ZNF219: variants seen among roughly 807,000 people sequenced by gnomAD.
ZNF219 encodes the protein zinc finger protein 219.
In ZNF219, 17 loss-of-function variants were observed where a neutral mutation model predicts 54.4. That is an observed-to-expected ratio of 0.31 (90% CI 0.21 to 0.47). The LOEUF (loss-of-function observed/expected upper bound fraction) is 0.47, where lower values mean the gene tolerates loss of function less well. Ranked by LOEUF, ZNF219 falls within the 20% of genes least tolerant of loss-of-function variation. The pLI, the probability that ZNF219 is intolerant of heterozygous loss-of-function variation, is 1.00. For missense variants in ZNF219, 1,014 were observed against 1,062.3 expected (o/e 0.95, Z 0.63); for synonymous variants, 518 against 476.4 (o/e 1.09, Z -1.14).
At chr14:21,103,331 A>G (rs1007487128), upstream of ZNF219, 6 of 1,497,386 alleles carry the variant, frequency 4.0e-6, no homozygotes, top group Middle Eastern at 2.4e-4. Flanking sequence ...TTCGAGTCCA[A>G]TAGGAAGTCC....
At chr14:21,102,082 G>A (rs1218283549), upstream of ZNF219, 27 of 1,551,366 alleles carry the variant, frequency 1.7e-5, no homozygotes, top group Non-Finnish European at 2.4e-5. Context: ...CACTGGGACT[G>A]TCACTCTGGA....
Position 21,091,507 on chromosome 14 carries a change from C to G in ZNF219, c.1468G>C (p.Glu490Gln). ...TTGCCGGTGGCGCCCCGGCCCCCTT[C>G]AGGCCGGGTCCCTCCAACCAACAGC... ...NGLLVGGTRP[E>Q]GGRGATGKDC... Residue 490 changes from glutamate to glutamine, a missense_variant, in exon 4 of 5, where the codon GAA becomes CAA. Glu to Gln is a conservative substitution (Grantham distance 29). Transcript: ENST00000360947. 6.2e-7 allele frequency: 1 copy of G among 1,608,184 alleles called. No individual in the cohort carries two copies. Among genetic ancestry groups the G allele is most frequent in the South Asian group, 1.1e-5 (1 of 90,962 alleles).
chr14:21,091,770 CG>C lies in ZNF219; in HGVS notation c.1432+94del, dbSNP rs756245286. Reference sequence around the variant, plus strand: ...ACAAAAAAACTCAGGAGAAATTAAACGTAAGTTCTTTTAACAAGGAAGCTAC... The same window carrying C: ...ACAAAAAAACTCAGGAGAAATTAAACTAAGTTCTTTTAACAAGGAAGCTAC... On this transcript the variant is annotated intron_variant, in intron 3 of 4. Coordinates refer to ENST00000360947, the MANE Select transcript of ZNF219 (RefSeq NM_016423.3). The C allele has an allele frequency of 5.5e-6, 8 of 1,464,728 alleles. No individual in the cohort carries two copies. In the Admixed American group the frequency reaches 1.8e-4, roughly 33 times the overall value. 90.7% of individuals were successfully genotyped at this position (1,464,728 alleles called of 1,614,324 possible). A position where few individuals can be genotyped will look rare whatever the true frequency, so the allele number is the denominator to read the frequency against.
chr14:21,093,758 T>G, intron 1 of ZNF219, 84 bp from the exon 2 acceptor site: 1 of 1,288,086 alleles, frequency 7.8e-7, no homozygotes, highest in Non-Finnish European at 1.1e-6. Flanking sequence ...ACTCTCAGCA[T>G]TCTGTATTCC....
Position 21,092,559 on chromosome 14 carries a change from C to G in ZNF219, c.738G>C (p.Pro246=), listed in dbSNP as rs1888999790. The G allele has an allele frequency of 3.2e-6, 5 of 1,547,528 alleles. No individual in the cohort carries two copies. Among genetic ancestry groups the G allele is most frequent in the Non-Finnish European group, 4.4e-6 (5 of 1,146,048 alleles). ...CACGTTCGGGCTCCGGCTCCGGCTC[C>G]GGCTGGGGGACTGATCTGGGTTCGG... is the stretch of plus-strand genomic sequence containing the variant. ...PQPEPRSVPQ[P]EPEPEPEREA... Residue 246 remains proline, a synonymous_variant, in exon 3 of 5, where the codon CCG becomes CCC. Transcript: ENST00000360947.
chr14:21,090,686 A>G lies in ZNF219; in HGVS notation c.2019T>C (p.Ala673=), dbSNP rs1197058702. The G allele has an allele frequency of 1.2e-6, 2 of 1,611,444 alleles. No homozygotes were observed. Among genetic ancestry groups the G allele is most frequent in the African/African-American group, 1.3e-5 (1 of 74,924 alleles). Residue 673 remains alanine (A), a synonymous_variant, in exon 5 of 5, where the codon GCT becomes GCC. Coordinates refer to ENST00000360947, the MANE Select transcript of ZNF219 (RefSeq NM_016423.3). This position sits in a 1 kb window ranked among gnomAD's most constrained non-coding sequence, Gnocchi z 4.4. The part of the protein sequence containing the change: ...LHLQVHHSRR[A]RGRRPPQADA... ...CAGCCTGGGGTGGCCGGCGGCCCCT[A>G]GCCCGGCGGCTGTGGTGCACTTGAA...
chr14:21,091,466 G>A lies in ZNF219; in HGVS notation c.1509C>T (p.Cys503=). Residue 503 remains cysteine (C), a synonymous_variant, in exon 4 of 5, where the codon TGC becomes TGT. Coordinates refer to ENST00000360947, the MANE Select transcript of ZNF219 (RefSeq NM_016423.3). The part of the protein sequence containing the change: ...RGATGKDCPF[C]GKSFRSAHHL... ...GATGTGCTGAGCGGAAAGATTTTCCGCAGAAAGGACAATCCTTGCCGGTGG... is the reference window on the plus strand; with the variant it reads ...GATGTGCTGAGCGGAAAGATTTTCCACAGAAAGGACAATCCTTGCCGGTGG... The A allele has an allele frequency of 3.7e-6, 6 of 1,610,144 alleles. No individual in the cohort carries two copies. Among genetic ancestry groups the A allele is most frequent in the Non-Finnish European group, 5.1e-6 (6 of 1,177,038 alleles).
chr14:21,101,315 A>C, upstream of ZNF219: 1 of 1,548,302 alleles, frequency 6.5e-7, no homozygotes. Flanking sequence ...CAGCCTAGGA[A>C]GCACCTAATT....
chr14:21,095,226 T>C (rs535939503), intron 1 of ZNF219, among the ~76,000 whole-genome samples: 140 of 152,328 alleles, frequency 9.2e-4, no homozygotes, highest in African/African-American at 3.2e-3. Context: ...ATTAACAAAG[T>C]GTCCTTGTCC....
At position 21,092,649 on chromosome 14, in the gene ZNF219, C is replaced by T; in HGVS notation, c.648G>A (p.Glu216=). The change falls in exon 3 of 5, where the codon GAG becomes GAA. Residue 216 remains glutamate (E), a synonymous_variant. Transcript: ENST00000360947. ...HHSLTAHGAP[E]RPLAATSAAP... ...CAGCGGAGGTGGCCGCCAGGGGACG[C>T]TCGGGAGCCCCGTGGGCCGTCAGGC... 1 of 1,565,760 alleles carries T rather than the reference C, an allele frequency of 6.4e-7. No homozygotes were observed.
intron 1 of ZNF219, among the ~76,000 whole-genome samples, chr14:21,094,735 G>T (rs562381632): frequency 1.2e-5 from 1 of 85,184 alleles, no homozygotes; most frequent in Non-Finnish European, 2.6e-5. Context: ...TTGGGGGGGG[G>T]GGCGGGTGCT....
At chr14:21,097,279 T>C (rs1156543253) in intron 1 of ZNF219, 2 of 152,262 alleles carry the variant, frequency 1.3e-5, no homozygotes, top group Non-Finnish European at 2.9e-5. Context: ...ACCTCAGCCA[T>C]GGACTTCAAA....
chr14:21,093,658 C>G lies in ZNF219; in HGVS notation c.-67G>C, dbSNP rs773220422. ...GAGGAGGAAAAGCTGCTAATGAAGG[C>G]AACAGGTGCTGTGGAGCTAAAGCAA... is the stretch of plus-strand genomic sequence containing the variant. On this transcript the variant is annotated 5_prime_UTR_variant, in exon 2 of 5. Coordinates refer to ENST00000360947, the MANE Select transcript of ZNF219 (RefSeq NM_016423.3). 3.1e-6 allele frequency: 5 copies of G among 1,614,114 alleles called. No homozygotes were observed. In the East Asian group the frequency reaches 1.1e-4, roughly 36 times the overall value.
At chr14:21,104,134 G>C (rs1047712871) in intron 1 of ZNF219, 9 of 152,354 alleles carry the variant, frequency 5.9e-5, no homozygotes, top group Admixed American at 6.5e-5. Flanking sequence ...GGGCAGGCGG[G>C]TAGATAGGGC....
At position 21,091,492 on chromosome 14, in the gene ZNF219, C is replaced by T. The variant is rs373038002; in HGVS notation, c.1483G>A (p.Ala495Thr). The stretch of plus-strand genomic sequence containing the variant: ...CAGAAAGGACAATCCTTGCCGGTGG[C>T]GCCCCGGCCCCCTTCAGGCCGGGTC... ...GGTRPEGGRGATGKDCPFCGK... is the reference protein window; with the variant it reads ...GGTRPEGGRGTTGKDCPFCGK... The change falls in exon 4 of 5, where the codon GCC becomes ACC. Residue 495 changes from alanine (A) to threonine (T), a missense_variant. By Grantham distance (58) the Ala-to-Thr change is moderately conservative (BLOSUM62 0). Coordinates refer to ENST00000360947, the MANE Select transcript of ZNF219 (RefSeq NM_016423.3). The T allele has an allele frequency of 1.5e-5, 24 of 1,609,606 alleles. No homozygotes were observed. The highest frequency in any genetic ancestry group is 2.0e-5 in the Non-Finnish European group (23 of 1,176,898).
rs777859395 is a variant in ZNF219, at chr14:21,090,745, C to T, written c.1960G>A (p.Ala654Thr). The part of the protein sequence containing the change: ...ALHRCLFCPF[A>T]TGAPELMALH... ...GCCATGAGCTCTGGGGCTCCAGTGG[C>T]GAACGGGCAGAAGAGGCAGCGGTGG... Residue 654 changes from alanine (A) to threonine (T), a missense_variant, in exon 5 of 5, where the codon GCC becomes ACC. Transcript: ENST00000360947. This position sits in a 1 kb window ranked among gnomAD's most constrained non-coding sequence, Gnocchi z 4.4. 1 of 1,608,156 alleles carries T rather than the reference C, an allele frequency of 6.2e-7. No homozygotes were observed. The highest frequency in any genetic ancestry group is 8.5e-7 in the Non-Finnish European group (1 of 1,178,168).
upstream of ZNF219, chr14:21,102,927 T>A: frequency 7.3e-7 from 1 of 1,375,372 alleles, no homozygotes; most frequent in Non-Finnish European, 9.7e-7. Flanking sequence ...TTCTCTGGCT[T>A]TGAACATTTC....
In ZNF219 at chr14:21,092,659, C is replaced by T; in HGVS notation, c.638G>A (p.Gly213Glu). 2 of 1,569,378 alleles carry T rather than the reference C, an allele frequency of 1.3e-6. No homozygotes were observed. Among genetic ancestry groups the T allele is most frequent in the East Asian group, 2.3e-5 (1 of 43,338 alleles). Residue 213 changes from glycine (G) to glutamate (E), a missense_variant, in exon 3 of 5, where the codon GGG (glycine) becomes GAG (glutamate). Transcript: ENST00000360947. ...GGCCGCCAGGGGACGCTCGGGAGCC[C>T]CGTGGGCCGTCAGGCTGTGGTGCAG... Reference protein sequence around the residue: ...ELLHHSLTAHGAPERPLAATS... With the variant: ...ELLHHSLTAHEAPERPLAATS...
Position 21,090,861 on chromosome 14 carries a change from G to T in ZNF219, c.1844C>A (p.Thr615Asn). Reference sequence around the variant, plus strand: ...CTCACCGCCTCGCCCGTTGCGCAGGGTCCTCCCAGGGCTGGCGGGCTTCCG... The same window carrying T: ...CTCACCGCCTCGCCCGTTGCGCAGGTTCCTCCCAGGGCTGGCGGGCTTCCG... Reference protein sequence around the residue: ...SRRKPASPGRTLRNGRGGEAE... With the variant: ...SRRKPASPGRNLRNGRGGEAE... Residue 615 changes from threonine (T) to asparagine (N), a missense_variant, in exon 5 of 5, where the codon ACC becomes AAC. This residue lies in a region of ZNF219 where 281 missense variants were observed against 271.2 expected (regional missense o/e 1.04). Transcript: ENST00000360947. The surrounding 1 kb of genome is among the most constrained non-coding windows in gnomAD (Gnocchi z 4.4). 1 of 1,554,704 alleles carries T rather than the reference G, an allele frequency of 6.4e-7. No homozygotes were observed. The highest frequency in any genetic ancestry group is 8.7e-7 in the Non-Finnish European group (1 of 1,150,698).
Sources: gnomAD v4.1 joint callset for allele counts (sites outside exome capture counted in the v4.1 genomes callset) on GRCh38, gnomAD v4.1.1 for gene constraint, gnomAD v4.1.1 regional missense constraint, Gnocchi (gnomAD v3.1) non-coding constraint, MANE v1.5 for transcripts, NCBI Gene and HGNC (gene_info 2026-07-23, HGNC 2026-07-21) for gene names.